Variants in ADCY3 observed in about 807,000 individuals in gnomAD.
ADCY3 encodes adenylate cyclase type 3.
A neutral mutation model predicts 119.4 loss-of-function variants in ADCY3; 70 were observed. The observed-to-expected ratio is 0.59, with a 90% CI of 0.48 to 0.72. The LOEUF is 0.72. ADCY3 is among the 30% of genes least tolerant of loss of function. The pLI, the probability that ADCY3 is intolerant of heterozygous loss-of-function variation, is 0.00. For synonymous variants in ADCY3, 672 were observed against 621.4 expected (o/e 1.08, Z -1.21); for missense variants, 1,238 against 1,541.6 (o/e 0.80, Z 3.30).
chr2:24,823,064 A>G, intron 18 of ADCY3, 145 bp downstream of exon 18: 3 of 1,053,660 alleles, frequency 2.8e-6, no homozygotes, highest in South Asian at 1.8e-5. Flanking sequence ...CAGCAGTTCC[A>G]GGTGGCTGCA....
rs955870028 is a variant in ADCY3, at chr2:24,830,099, G to A, written c.2172+610C>T. 4.1e-5 allele frequency among the ~76,000 whole-genome samples: 6 copies of A among 145,796 alleles called. 1 individual carries two copies. Among genetic ancestry groups the A allele is most frequent in the Admixed American group, 6.9e-5 (1 of 14,402 alleles). ...GCTGTCGCCTAGGCTGGAGTGCAGCGGCTCAATCTCGGCTCACTGCAACCT... is the reference window on the plus strand; with the variant it reads ...GCTGTCGCCTAGGCTGGAGTGCAGCAGCTCAATCTCGGCTCACTGCAACCT... On this transcript the variant is annotated intron_variant, in intron 13 of 21. Coordinates refer to ENST00000679454, the MANE Select transcript of ADCY3 (RefSeq NM_004036.5).
chr2:24,820,549 T>C (rs1667465424), intron 21 of ADCY3, 175 bp downstream of exon 21: 11 of 1,402,904 alleles, frequency 7.8e-6, no homozygotes, highest in Non-Finnish European at 9.4e-6. Flanking sequence ...TGGAAGTGTT[T>C]CTTCCTGTGC....
rs1362162153 is a variant in ADCY3 at position 24,920,020 on chromosome 2, G to C, written c.-535C>G. 6.9e-6 allele frequency among the ~76,000 whole-genome samples: 1 copy of C among 145,720 alleles called. No homozygotes were observed. The highest frequency in any genetic ancestry group is 1.5e-5 in the Non-Finnish European group (1 of 65,622). Reference sequence around the variant, plus strand: ...GGGGCCGGCAGGCGCGGGCGGCGGCGAGCGCGGCTCTCCGGACCCCTCCCC... The same window carrying C: ...GGGGCCGGCAGGCGCGGGCGGCGGCCAGCGCGGCTCTCCGGACCCCTCCCC... On this transcript the variant is annotated 5_prime_UTR_variant, in exon 1 of 22. Transcript: ENST00000679454. This position sits in a 1 kb window ranked among gnomAD's most constrained non-coding sequence, Gnocchi z 4.5.
chr2:24,888,553 C>T (rs1241907066), intron 2 of ADCY3, among the ~76,000 whole-genome samples: 2 of 152,220 alleles, frequency 1.3e-5, no homozygotes, highest in African/African-American at 4.8e-5. Flanking sequence ...AGTGTGATGC[C>T]GTGGAATAAG....
intron 6 of ADCY3, chr2:24,840,542 T>C (rs1229228064): frequency 2.1e-6 from 1 of 468,030 alleles, no homozygotes; most frequent in Non-Finnish European, 4.4e-6. Context: ...ATGGTAAAAA[T>C]GCAAAGCCGC....
chr2:24,829,634 G>A (rs557161520), intron 13 of ADCY3, among the ~76,000 whole-genome samples: 26 of 151,496 alleles, frequency 1.7e-4, no homozygotes, highest in African/African-American at 5.6e-4. Flanking sequence ...GTGTTAGCCA[G>A]GATGATTTCG....
At chr2:24,906,041 T>C (rs1053598572) in intron 2 of ADCY3, among the ~76,000 whole-genome samples, 4 of 152,178 alleles carry the variant, frequency 2.6e-5, no homozygotes, top group Admixed American at 1.3e-4. Context: ...GGATAGGAAA[T>C]GCCACCTGTA....
chr2:24,907,132 T>C (rs1374352140), intron 2 of ADCY3, among the ~76,000 whole-genome samples: 1 of 151,584 alleles, frequency 6.6e-6, no homozygotes, highest in Non-Finnish European at 1.5e-5. Context: ...AAAATAAAAA[T>C]AAAAATGAAA....
At chr2:24,835,081 G>A (rs1272891874) in intron 9 of ADCY3, 145 bp from the exon 10 acceptor site, 1 of 1,158,666 alleles carries the variant, frequency 8.6e-7, no homozygotes, top group African/African-American at 1.5e-5. Flanking sequence ...CCCTTTCCGG[G>A]AAGTCTTCCC....
rs988233752 is a variant in ADCY3, at chr2:24,919,293, C to T, written c.-197-109G>A. On this transcript the variant is annotated intron_variant, in intron 1 of 21. Transcript: ENST00000679454. This position sits in a 1 kb window ranked among gnomAD's most constrained non-coding sequence, Gnocchi z 5.5. Reference sequence around the variant, plus strand: ...GATCTCTGCTGCAAGAGCCTCCCAACCCAGGGCCTTCCCTGCCACCCCCGG... The same window carrying T: ...GATCTCTGCTGCAAGAGCCTCCCAATCCAGGGCCTTCCCTGCCACCCCCGG... 6.1e-6 allele frequency: 2 copies of T among 329,406 alleles called. No individual in the cohort carries two copies. The highest frequency in any genetic ancestry group is 1.1e-5 in the Non-Finnish European group (2 of 176,726). The allele number at this position is 329,406 out of a possible 1,614,324, so 20.4% of individuals were successfully genotyped here.
intron 18 of ADCY3, among the ~76,000 whole-genome samples, chr2:24,822,898 A>G (rs1668001496): frequency 6.6e-6 from 1 of 152,182 alleles, no homozygotes. Context: ...TCTCCCTGGT[A>G]TACAGGTCAC....
rs1217054393 is a variant in ADCY3 at position 24,898,735 on chromosome 2, T to TGGGGAAGCCTGGGAGGTTC, written c.675+19559_675+19577dup. Among the ~76,000 whole-genome samples the TGGGGAAGCCTGGGAGGTTC allele has an allele frequency of 1.3e-5, 2 of 152,096 alleles. No homozygotes were observed. The highest frequency in any genetic ancestry group is 4.8e-5 in the African/African-American group (2 of 41,402). On this transcript the variant is annotated intron_variant, in intron 2 of 21. Transcript: ENST00000679454. This position sits in a 1 kb window ranked among gnomAD's most constrained non-coding sequence, Gnocchi z 4.3. ...GGTCTCTGGGGAGACAACCCTTGCC[T>TGGGGAAGCCTGGGAGGTTC]GGGGAAGCCTGGGAGGTTCGGGGAA...
At chr2:24,896,352 T>G (rs1414679117) in intron 2 of ADCY3, among the ~76,000 whole-genome samples, 1 of 152,138 alleles carries the variant, frequency 6.6e-6, no homozygotes, top group East Asian at 1.9e-4. Context: ...GCCACTGCAC[T>G]CCAGCCTGGG....
intron 2 of ADCY3, among the ~76,000 whole-genome samples, chr2:24,911,935 A>C (rs907333406): frequency 9.8e-5 from 15 of 152,330 alleles, no homozygotes; most frequent in East Asian, 9.7e-4. Flanking sequence ...CTTACTAGGC[A>C]TGTGGCCCTG....
chr2:24,866,564 CAAAAAAAAAAAA>C (rs71397449), intron 3 of ADCY3, among the ~76,000 whole-genome samples: 3 of 46,560 alleles, frequency 6.4e-5, no homozygotes, highest in East Asian at 6.5e-4. Context: ...GACCCTGTCT[CAAAAAAAAAAAA>C]AAAAAAAAAG....
chr2:24,834,505 G>A lies in ADCY3; in HGVS notation c.1947C>T (p.Val649=), dbSNP rs568441542. 5.0e-6 allele frequency: 8 copies of A among 1,612,150 alleles called. No individual in the cohort carries two copies. The highest frequency in any genetic ancestry group is 3.3e-5 in the South Asian group (3 of 90,994). The part of the protein sequence containing the change: ...SCVVLLCTAL[V]EILIDPWLMT... ...CTCACCAGGGGTCGATGAGTATCTC[G>A]ACCAGGGCCGTGCAGAGCAGGACGA... The change falls in exon 11 of 22, where the codon GTC becomes GTT. Residue 649 remains valine (V), a synonymous_variant. Coordinates refer to ENST00000679454, the MANE Select transcript of ADCY3 (RefSeq NM_004036.5). The surrounding 1 kb of genome is among the most constrained non-coding windows in gnomAD (Gnocchi z 4.2).
In ADCY3 at chr2:24,838,582, C is replaced by G. The variant is rs1042043452; in HGVS notation, c.1396G>C (p.Gly466Arg). 14 of 1,614,060 alleles carry G rather than the reference C, an allele frequency of 8.7e-6. No homozygotes were observed. Among genetic ancestry groups the G allele is most frequent in the Non-Finnish European group, 1.2e-5 (14 of 1,180,050 alleles). ...ISQSTMDCLKGEFDVEPGDGG... is the reference protein window; with the variant it reads ...ISQSTMDCLKREFDVEPGDGG... ...TCGCCTGGCTCCACATCAAACTCCC[C>G]TTTCAGGCAGTCCATGGTGCTCTGG... The change falls in exon 8 of 22, where the codon GGG (glycine) becomes CGG (arginine). Residue 466 changes from glycine (G) to arginine (R), a missense_variant. This residue lies in a region of ADCY3 where 283 missense variants were observed against 437.2 expected (regional missense o/e 0.65). Coordinates refer to ENST00000679454, the MANE Select transcript of ADCY3 (RefSeq NM_004036.5).
chr2:24,859,194 G>A (rs898722824), intron 3 of ADCY3, among the ~76,000 whole-genome samples: 2 of 152,220 alleles, frequency 1.3e-5, no homozygotes, highest in Admixed American at 6.5e-5. Flanking sequence ...GTGTCTGTGT[G>A]TCTCCTGTGA....
At chr2:24,903,011 G>T (rs957107202) in intron 2 of ADCY3, among the ~76,000 whole-genome samples, 2 of 152,060 alleles carry the variant, frequency 1.3e-5, no homozygotes, top group African/African-American at 4.8e-5. Flanking sequence ...GCTTGGTGTG[G>T]TGGCGGGCGC....
Sources: gnomAD v4.1 joint callset for allele counts (sites outside exome capture counted in the v4.1 genomes callset) on GRCh38, gnomAD v4.1.1 for gene constraint, gnomAD v4.1.1 regional missense constraint, Gnocchi (gnomAD v3.1) non-coding constraint, MANE v1.5 for transcripts, NCBI Gene and HGNC (gene_info 2026-07-23, HGNC 2026-07-21) for gene names.